The following VWA3A variants were observed in gnomAD, a reference collection of about 807,000 sequenced individuals.
The protein encoded by VWA3A is von Willebrand factor A domain containing 3A, also known as von Willebrand factor A domain-containing protein 3A.
A neutral mutation model predicts 160.4 loss-of-function variants in VWA3A; 134 were observed. The ratio of observed to expected loss-of-function variants is 0.84; its 90% confidence interval spans 0.73 to 0.96. The LOEUF (loss-of-function observed/expected upper bound fraction) is 0.96, where lower values mean the gene tolerates loss of function less well. Among genes scored for constraint, VWA3A ranks in the 40% least tolerant of loss-of-function variants. VWA3A has a pLI of 0.00. For missense variants in VWA3A, 1,310 were observed against 1,447.9 expected (o/e 0.90, Z 1.55); for synonymous variants, 476 against 543.4 (o/e 0.88, Z 1.72).
intron 21 of VWA3A, 112 bp from the exon 22 acceptor site, chr16:22,138,248 G>A: frequency 7.5e-7 from 1 of 1,334,812 alleles, no homozygotes. Context: ...AAAAAGAGGA[G>A]TCCAGGGGAC....
chr16:22,095,296 C>G (rs141884577), intron 1 of VWA3A, among the ~76,000 whole-genome samples: 1 of 152,060 alleles, frequency 6.6e-6, no homozygotes, highest in Non-Finnish European at 1.5e-5. Context: ...CGTTCCAGAG[C>G]AAAGACAGCA....
At chr16:22,121,711 C>A in intron 14 of VWA3A, 94 bp downstream of exon 14, 1 of 976,444 alleles carries the variant, frequency 1.0e-6, no homozygotes, top group Non-Finnish European at 1.6e-6. Flanking sequence ...TAAGAATCAC[C>A]AGGGATTCAG....
At chr16:22,130,348 T>C (rs749669135) in intron 17 of VWA3A, among the ~76,000 whole-genome samples, 1 of 151,952 alleles carries the variant, frequency 6.6e-6, no homozygotes, top group Non-Finnish European at 1.5e-5. Flanking sequence ...TTGTTAAGTA[T>C]AGAGAGTCTG....
chr16:22,098,079 T>C (rs2045352087), intron 3 of VWA3A, among the ~76,000 whole-genome samples: 8 of 152,310 alleles, frequency 5.3e-5, no homozygotes, highest in Admixed American at 4.6e-4. Context: ...TGGGGTATGA[T>C]AGGAGAATAA....
chr16:22,099,298 G>A (rs1172349135), intron 3 of VWA3A, among the ~76,000 whole-genome samples: 2 of 152,148 alleles, frequency 1.3e-5, no homozygotes, highest in South Asian at 2.1e-4. Context: ...AAGTAATCTT[G>A]CCCGTCAGTC....
intron 19 of VWA3A, among the ~76,000 whole-genome samples, chr16:22,132,407 G>A (rs1439390191): frequency 6.6e-6 from 1 of 151,936 alleles, no homozygotes; most frequent in African/African-American, 2.4e-5. Flanking sequence ...AATTAACCAG[G>A]TGTGGTGACA....
chr16:22,103,356 G>T, intron 5 of VWA3A, 119 bp from the exon 6 acceptor site: 1 of 903,862 alleles, frequency 1.1e-6, no homozygotes, highest in Admixed American at 2.7e-5. Context: ...CTTCTTCCAA[G>T]AACCTATGCA....
chr16:22,109,655 G>T, intron 7 of VWA3A, 75 bp downstream of exon 7: 1 of 1,325,326 alleles, frequency 7.5e-7, no homozygotes, highest in Non-Finnish European at 1.1e-6. Flanking sequence ...GCTTGCTGAC[G>T]AGCTTGTTTA....
chr16:22,100,340 G>C (rs552730939), intron 4 of VWA3A, 22 bp downstream of exon 4: 3 of 1,551,480 alleles, frequency 1.9e-6, no homozygotes, highest in Admixed American at 2.0e-5. Flanking sequence ...GCTGTTCCCC[G>C]CACCCCCCAC....
At chr16:22,152,695 G>T in intron 31 of VWA3A, 61 bp downstream of exon 31, 1 of 1,548,586 alleles carries the variant, frequency 6.5e-7, no homozygotes, top group Non-Finnish European at 8.7e-7. Context: ...ATATCAACAG[G>T]CATGGGGTTT....
intron 26 of VWA3A, among the ~76,000 whole-genome samples, chr16:22,144,862 C>T (rs2046220115): frequency 6.6e-6 from 1 of 151,976 alleles, no homozygotes; most frequent in Admixed American, 6.6e-5. Context: ...TGCAGTGAGC[C>T]GTGATCACGC....
intron 17 of VWA3A, among the ~76,000 whole-genome samples, chr16:22,128,817 A>G (rs1286858234): frequency 6.6e-6 from 1 of 152,202 alleles, no homozygotes; most frequent in Non-Finnish European, 1.5e-5. Flanking sequence ...TCCTTAGCAA[A>G]CTAACACAGG....
chr16:22,124,566 TTATTATTATTAG>T (rs750091154), intron 16 of VWA3A, among the ~76,000 whole-genome samples: 1 of 139,394 alleles, frequency 7.2e-6, no homozygotes, highest in African/African-American at 2.7e-5. Context: ...ATTATTATTA[TTATTATTATTAG>T]AGACAGAGTC....
chr16:22,138,678 C>A, intron 22 of VWA3A, 166 bp downstream of exon 22: 1 of 892,894 alleles, frequency 1.1e-6, no homozygotes, highest in Non-Finnish European at 1.6e-6. Flanking sequence ...GAAAATCTCC[C>A]GCGGGGGGCC....
Position 22,110,893 on chromosome 16 carries a change from C to T in VWA3A, c.588C>T (p.Leu196=), listed in dbSNP as rs1454013995. 3 of 1,605,356 alleles carry T rather than the reference C, an allele frequency of 1.9e-6. No homozygotes were observed. Among genetic ancestry groups the T allele is most frequent in the Non-Finnish European group, 2.6e-6 (3 of 1,176,256 alleles). ...KEEFQKDLMS[L]IDEQLSHKEK... is the part of the protein sequence containing the mutation. ...GATGTCCTTTTGTCCAACAGAGCCT[C>T]ATCGATGAGCAGCTGAGCCACAAGG... The change falls in exon 8 of 34, where the codon CTC becomes CTT. Residue 196 remains leucine, a synonymous_variant. Transcript: ENST00000389398.
At chr16:22,108,677 G>A (rs74786138) in intron 6 of VWA3A, among the ~76,000 whole-genome samples, 11 of 152,224 alleles carry the variant, frequency 7.2e-5, no homozygotes, top group Non-Finnish European at 1.3e-4. Context: ...GAAAAACACC[G>A]AATGGAACCT....
chr16:22,103,974 G>T (rs1189224496), intron 6 of VWA3A, among the ~76,000 whole-genome samples: 1 of 152,112 alleles, frequency 6.6e-6, no homozygotes, highest in Admixed American at 6.5e-5. Flanking sequence ...TAAAATAAAA[G>T]ACAGGGGGGA....
chr16:22,126,335 G>T (rs537440747), intron 17 of VWA3A, 38 bp downstream of exon 17: 1 of 1,594,572 alleles, frequency 6.3e-7, no homozygotes, highest in Non-Finnish European at 8.6e-7. Flanking sequence ...AGGGTGGGTC[G>T]TGTGTGTTTG....
At chr16:22,121,330 C>G (rs538761107) in intron 13 of VWA3A, among the ~76,000 whole-genome samples, 184 bp from the exon 14 acceptor site, 1 of 152,282 alleles carries the variant, frequency 6.6e-6, no homozygotes, top group Non-Finnish European at 1.5e-5. Context: ...GCAGTCCCAG[C>G]TACTCAGGTA....
Sources: allele counts gnomAD v4.1 joint callset (sites outside exome capture counted in the v4.1 genomes callset), GRCh38; gene constraint gnomAD v4.1.1; transcripts MANE v1.5; gene names NCBI Gene and HGNC (gene_info 2026-07-23, HGNC 2026-07-21).